Variants in GABRB3 observed in about 807,000 individuals in gnomAD.
The protein encoded by GABRB3 is gamma-aminobutyric acid receptor subunit beta-3.
Under a neutral mutation model 52.1 loss-of-function variants are expected in GABRB3, and 14 were observed. That is an observed-to-expected ratio of 0.27 (90% CI 0.18 to 0.42). The LOEUF is 0.42. Ranked by LOEUF, GABRB3 falls within the 10% of genes least tolerant of loss-of-function variation. The probability of loss-of-function intolerance (pLI) is 1.00; values close to 1 mark genes in which losing one functional copy is unlikely to be tolerated. For synonymous variants in GABRB3, 260 were observed against 232.3 expected (o/e 1.12, Z -1.08); for missense variants, 307 against 609.1 (o/e 0.50, Z 5.22).
chr15:26,622,333 T>A (rs761742354), intron 3 of GABRB3, among the ~76,000 whole-genome samples: 1 of 152,058 alleles, frequency 6.6e-6, no homozygotes. Flanking sequence ...AAAAGACAAA[T>A]CAGAGGCTAG....
At chr15:26,615,544 A>C (rs1892222934) in intron 4 of GABRB3, 1 of 723,828 alleles carries the variant, frequency 1.4e-6, no homozygotes, top group Non-Finnish European at 1.7e-6. Context: ...GATCACTCTC[A>C]AGCATCTGCG....
intron 3 of GABRB3, among the ~76,000 whole-genome samples, chr15:26,755,621 T>C (rs1447021117): frequency 6.6e-6 from 1 of 152,202 alleles, no homozygotes; most frequent in Non-Finnish European, 1.5e-5. Flanking sequence ...TGGGCTACAG[T>C]TGTCTTCCCA....
intron 3 of GABRB3, among the ~76,000 whole-genome samples, chr15:26,659,564 G>A (rs910922186): frequency 2.0e-5 from 3 of 152,092 alleles, no homozygotes; most frequent in African/African-American, 7.2e-5. Context: ...AACAGGTTAA[G>A]TATCATGATG....
chr15:26,664,430 G>A lies in GABRB3; in HGVS notation c.241-42896C>T, dbSNP rs141464358. On this transcript the variant is annotated intron_variant, in intron 3 of 8. Transcript: ENST00000311550. ...TTGTGGACAGGGCATGGGAGGAAGA[G>A]GGATACGCCATGTTGGCCAGAATTA... Among the ~76,000 whole-genome samples, 3 of 152,236 alleles carry A rather than the reference G, an allele frequency of 2.0e-5. No individual in the cohort carries two copies. In the East Asian group the frequency reaches 5.8e-4, roughly 29 times the overall value.
At chr15:26,656,212 T>G (rs1010971173) in intron 3 of GABRB3, among the ~76,000 whole-genome samples, 1 of 152,152 alleles carries the variant, frequency 6.6e-6, no homozygotes, top group Non-Finnish European at 1.5e-5. Context: ...GGCTTCAGCC[T>G]CCACACTTGT....
At chr15:26,580,281 G>A in intron 6 of GABRB3, 38 bp downstream of exon 6, 1 of 1,613,706 alleles carries the variant, frequency 6.2e-7, no homozygotes, top group South Asian at 1.1e-5. Flanking sequence ...CATGGAGCCA[G>A]TGCCCCTGAA....
intron 6 of GABRB3, among the ~76,000 whole-genome samples, chr15:26,574,399 C>T (rs1461814225): frequency 2.0e-5 from 3 of 152,098 alleles, no homozygotes; most frequent in Non-Finnish European, 4.4e-5. Context: ...AATTCCACTC[C>T]TAAGTATATG....
At chr15:26,741,041 AATAAGT>A (rs1221918385) in intron 3 of GABRB3, among the ~76,000 whole-genome samples, 1 of 82,970 alleles carries the variant, frequency 1.2e-5, no homozygotes, top group Non-Finnish European at 2.3e-5. Flanking sequence ...GCGAGGGAGG[AATAAGT>A]GTGTGTGTGT....
intron 3 of GABRB3, among the ~76,000 whole-genome samples, chr15:26,746,474 T>G (rs375996422): frequency 6.6e-6 from 1 of 152,184 alleles, no homozygotes; most frequent in Non-Finnish European, 1.5e-5. Flanking sequence ...CTTTTATGAA[T>G]CATGCTTTTG....
chr15:26,755,755 A>G (rs984781538), intron 3 of GABRB3, among the ~76,000 whole-genome samples: 3 of 152,236 alleles, frequency 2.0e-5, no homozygotes, highest in African/African-American at 7.2e-5. Context: ...AAACCTGAAA[A>G]CAATATTCAT....
intron 6 of GABRB3, among the ~76,000 whole-genome samples, chr15:26,575,909 A>G (rs1438783369): frequency 6.6e-6 from 1 of 152,232 alleles, no homozygotes; most frequent in Non-Finnish European, 1.5e-5. Flanking sequence ...AAATTAAAGA[A>G]GCATATTAAA....
rs138914122 is a variant in GABRB3, at chr15:26,588,314, A to G, written c.462-4900T>C. Among the ~76,000 whole-genome samples the G allele has an allele frequency of 3.8e-3, 582 of 152,296 alleles. 5 individuals are homozygous for G. Among genetic ancestry groups the G allele is most frequent in the African/African-American group, 9.3e-3 (386 of 41,562 alleles). ...CACCAGTCATATCTGTACTTTATGG[A>G]ACACCAGTTGAGCAGTTGCTCAGTG... On this transcript the variant is annotated intron_variant, in intron 4 of 8. Transcript: ENST00000311550.
intron 4 of GABRB3, among the ~76,000 whole-genome samples, chr15:26,600,210 A>C (rs1891538496): frequency 6.6e-6 from 1 of 152,074 alleles, no homozygotes; most frequent in South Asian, 2.1e-4. Context: ...ACAACAAAAG[A>C]TTTAAAAAGA....
At chr15:26,718,607 T>A (rs1028461054) in intron 3 of GABRB3, among the ~76,000 whole-genome samples, 3 of 152,192 alleles carry the variant, frequency 2.0e-5, no homozygotes, top group Non-Finnish European at 2.9e-5. Context: ...TCAATGTGTT[T>A]TTTTTTCTTA....
intron 3 of GABRB3, among the ~76,000 whole-genome samples, chr15:26,707,087 C>T (rs1415034128): frequency 1.3e-5 from 2 of 152,158 alleles, no homozygotes; most frequent in Non-Finnish European, 2.9e-5. Flanking sequence ...TGATTGCAAA[C>T]ACATGATAAA....
rs140497551 is a variant in GABRB3 at position 26,700,771 on chromosome 15, C to T, written c.240+71631G>A. The stretch of plus-strand genomic sequence containing the variant: ...CATCCTTTCCTTGTCTTACAAAACT[C>T]TCGGCCAGGTACAGTGGCTCACGCC... On this transcript the variant is annotated intron_variant, in intron 3 of 8. Coordinates refer to ENST00000311550, the MANE Select transcript of GABRB3 (RefSeq NM_000814.6). Among the ~76,000 whole-genome samples, 1,131 of 152,312 alleles carry T rather than the reference C, an allele frequency of 7.4e-3. 39 individuals carry two copies. The highest frequency in any genetic ancestry group is 0.054 in the Admixed American group (826 of 15,294).
intron 3 of GABRB3, among the ~76,000 whole-genome samples, chr15:26,676,418 C>A (rs553512520): frequency 3.3e-5 from 5 of 152,068 alleles, no homozygotes; most frequent in Non-Finnish European, 7.3e-5. Context: ...CTCCCAGACA[C>A]GAAACAGAAC....
chr15:26,653,595 T>G (rs775387706), intron 3 of GABRB3, among the ~76,000 whole-genome samples: 24 of 152,220 alleles, frequency 1.6e-4, no homozygotes, highest in Admixed American at 4.6e-4. Flanking sequence ...CCAGTCTCCC[T>G]TTTAGCTGGC....
chr15:26,637,442 T>C (rs1893089602), intron 3 of GABRB3, among the ~76,000 whole-genome samples: 1 of 152,230 alleles, frequency 6.6e-6, no homozygotes, highest in South Asian at 2.1e-4. Context: ...GAACATCAGC[T>C]GCATGAGTGC....
Sources: allele counts gnomAD v4.1 joint callset (sites outside exome capture counted in the v4.1 genomes callset), GRCh38; gene constraint gnomAD v4.1.1; transcripts MANE v1.5; gene names NCBI Gene and HGNC (gene_info 2026-07-23, HGNC 2026-07-21).